Variants in SDHAF3 observed in about 807,000 individuals in gnomAD.
SDHAF3 encodes succinate dehydrogenase complex assembly factor 3.
A neutral mutation model predicts 11.5 loss-of-function variants in SDHAF3; 18 were observed. The observed-to-expected ratio is 1.56, with a 90% CI of 1.08 to 2.32. The LOEUF is 2.32. Ranked by LOEUF, SDHAF3 falls within the 30% of genes most tolerant of loss-of-function variation. The pLI is 0.00. For synonymous variants in SDHAF3, 72 were observed against 59.3 expected, an observed-to-expected ratio of 1.21 and a Z score of -0.99; for missense variants, 200 against 154.4, an observed-to-expected ratio of 1.30 and a Z score of -1.57.
At chr7:97,156,115 C>T in intron 1 of SDHAF3, among the ~76,000 whole-genome samples, 1 of 152,148 alleles carries the variant, frequency 6.6e-6, no homozygotes, top group Non-Finnish European at 1.5e-5. Flanking sequence ...TGACCTTTTT[C>T]TGTTCCAGGA....
intron 1 of SDHAF3, among the ~76,000 whole-genome samples, chr7:97,132,864 T>TC (rs1791691580): frequency 6.6e-6 from 1 of 152,198 alleles, no homozygotes; most frequent in Non-Finnish European, 1.5e-5. Flanking sequence ...TGGTAATTGA[T>TC]CTTATAGTCT....
At chr7:97,138,761 A>G (rs1286760459) in intron 1 of SDHAF3, among the ~76,000 whole-genome samples, 1 of 152,206 alleles carries the variant, frequency 6.6e-6, no homozygotes, top group Admixed American at 6.5e-5. Context: ...GTGTTCCACA[A>G]ATGTTAGATA....
At chr7:97,135,097 T>C (rs1290717819) in intron 1 of SDHAF3, 1 of 152,094 alleles carries the variant, frequency 6.6e-6, no homozygotes, top group East Asian at 1.9e-4. Flanking sequence ...AACTTTAGCT[T>C]TCTCCTTTGC....
intron 1 of SDHAF3, among the ~76,000 whole-genome samples, chr7:97,176,386 G>A (rs1352084969): frequency 2.0e-5 from 3 of 152,194 alleles, no homozygotes; most frequent in Non-Finnish European, 2.9e-5. Context: ...CAGCATAACA[G>A]TTTGAAACCA....
chr7:97,117,846 A>T lies in SDHAF3; in HGVS notation c.123A>T (p.Arg41Ser). ...AGTACGTGAAAGACGAATTTAGGAG[A>T]CATAAGACCGTTGGTTCTGACGAGG... ...GDQYVKDEFR[R>S]HKTVGSDEAQ... Residue 41 changes from arginine (R) to serine (S), a missense_variant, in exon 1 of 2, where the codon AGA (arginine) becomes AGT (serine). Coordinates refer to ENST00000432641, the MANE Select transcript of SDHAF3 (RefSeq NM_020186.3). 2 of 1,614,182 alleles carry T rather than the reference A, an allele frequency of 1.2e-6. No individual in the cohort carries two copies. Among genetic ancestry groups the T allele is most frequent in the Non-Finnish European group, 1.7e-6 (2 of 1,180,032 alleles).
intron 1 of SDHAF3, among the ~76,000 whole-genome samples, chr7:97,124,252 C>G (rs1192507846): frequency 6.6e-6 from 1 of 152,106 alleles, no homozygotes; most frequent in Non-Finnish European, 1.5e-5. Flanking sequence ...AATAGGGAAT[C>G]CTTTCCCCAT....
intron 1 of SDHAF3, among the ~76,000 whole-genome samples, chr7:97,161,154 T>G (rs1789404034): frequency 6.6e-6 from 1 of 152,200 alleles, no homozygotes; most frequent in Admixed American, 6.5e-5. Flanking sequence ...TACAGTGTAC[T>G]GTGTTGCCAG....
intron 1 of SDHAF3, among the ~76,000 whole-genome samples, chr7:97,121,900 C>G (rs1322527773): frequency 6.7e-6 from 1 of 149,946 alleles, no homozygotes; most frequent in African/African-American, 2.5e-5. Flanking sequence ...CTCTATCGCC[C>G]AGGCTGGAGT....
At chr7:97,123,157 C>G (rs563311641) in intron 1 of SDHAF3, among the ~76,000 whole-genome samples, 6 of 151,974 alleles carry the variant, frequency 3.9e-5, no homozygotes, top group African/African-American at 1.2e-4. Context: ...CCCCCCACCC[C>G]CTGAAAGGCC....
chr7:97,166,394 G>C (rs1213237412), intron 1 of SDHAF3, among the ~76,000 whole-genome samples: 1 of 151,766 alleles, frequency 6.6e-6, no homozygotes, highest in Non-Finnish European at 1.5e-5. Context: ...GTCATAGGGG[G>C]AATTCAAAGA....
chr7:97,130,133 G>A (rs1425922208), intron 1 of SDHAF3, among the ~76,000 whole-genome samples: 6 of 152,110 alleles, frequency 3.9e-5, no homozygotes, highest in South Asian at 2.1e-4. Context: ...CTATCCGGAT[G>A]TGGTGGTGGA....
chr7:97,148,654 ACT>A (rs1251312894), intron 1 of SDHAF3, among the ~76,000 whole-genome samples: 1 of 152,246 alleles, frequency 6.6e-6, no homozygotes, highest in Non-Finnish European at 1.5e-5. Flanking sequence ...TGAAGCATCT[ACT>A]ATCACTGATA....
intron 1 of SDHAF3, among the ~76,000 whole-genome samples, chr7:97,166,109 T>C (rs1789500744): frequency 6.6e-6 from 1 of 152,250 alleles, no homozygotes. Context: ...ATATGGCTGC[T>C]GATGCATGGA....
intron 1 of SDHAF3, among the ~76,000 whole-genome samples, chr7:97,162,882 G>T (rs1431096396): frequency 1.3e-5 from 2 of 152,142 alleles, no homozygotes; most frequent in Non-Finnish European, 2.9e-5. Context: ...TTGGGGTGGA[G>T]AGTTCTGTAG....
chr7:97,160,205 G>A (rs148121243), intron 1 of SDHAF3, among the ~76,000 whole-genome samples: 1,613 of 143,848 alleles, frequency 0.011, 37 homozygotes, highest in African/African-American at 0.039. Context: ...AGTGAGGAGC[G>A]CCCCTGCCCG....
At chr7:97,121,940 C>A (rs372595100) in intron 1 of SDHAF3, among the ~76,000 whole-genome samples, 1 of 148,164 alleles carries the variant, frequency 6.7e-6, no homozygotes, top group African/African-American at 2.5e-5. Context: ...TTACTGCAAA[C>A]TCCGCCTCCC....
chr7:97,130,072 A>G (rs1216895810), intron 1 of SDHAF3, among the ~76,000 whole-genome samples: 4 of 151,942 alleles, frequency 2.6e-5, no homozygotes, highest in Non-Finnish European at 5.9e-5. Context: ...GTGGAGCCCC[A>G]AAGGGGGCAT....
chr7:97,163,344 A>G (rs1454956024), intron 1 of SDHAF3, among the ~76,000 whole-genome samples: 2 of 151,940 alleles, frequency 1.3e-5, no homozygotes, highest in African/African-American at 2.4e-5. Flanking sequence ...GTTTCACCCT[A>G]TTGGCCAGGC....
In SDHAF3 at chr7:97,181,251, T is replaced by A; in HGVS notation, c.*36T>A. The A allele has an allele frequency of 2.0e-6, 3 of 1,484,924 alleles. No homozygotes were observed. The highest frequency in any genetic ancestry group is 2.8e-6 in the Non-Finnish European group (3 of 1,089,436). The allele number at this position is 1,484,924 out of a possible 1,614,324, so 92.0% of individuals were successfully genotyped here. On this transcript the variant is annotated 3_prime_UTR_variant, in exon 2 of 2. Coordinates refer to ENST00000432641, the MANE Select transcript of SDHAF3 (RefSeq NM_020186.3). ...AAAGCTTAATAAGACATGCAAAAAT[T>A]TAGAACCCCTACTTTAACTGTCATT...
Sources: gnomAD v4.1 joint callset for allele counts (sites outside exome capture counted in the v4.1 genomes callset) on GRCh38, gnomAD v4.1.1 for gene constraint, MANE v1.5 for transcripts, NCBI Gene and HGNC (gene_info 2026-07-23, HGNC 2026-07-21) for gene names.